Variants in GRIN2B observed in about 807,000 individuals in gnomAD.
The protein encoded by GRIN2B is glutamate receptor ionotropic, NMDA 2B.
A neutral mutation model predicts 114.5 loss-of-function variants in GRIN2B; 5 were observed. That is an observed-to-expected ratio of 0.04 (90% CI 0.02 to 0.09). GRIN2B has a LOEUF of 0.09. Among genes scored for constraint, GRIN2B ranks in the 10% least tolerant of loss-of-function variants. The pLI is 1.00. For missense variants in GRIN2B, 1,108 were observed against 1,943.5 expected, an observed-to-expected ratio of 0.57 and a Z score of 8.08; for synonymous variants, 787 against 745.1, an observed-to-expected ratio of 1.06 and a Z score of -0.92.
intron 3 of GRIN2B, among the ~76,000 whole-genome samples, chr12:13,791,195 G>C (rs1030309254): frequency 1.3e-5 from 2 of 152,146 alleles, no homozygotes; most frequent in African/African-American, 4.8e-5. Context: ...GAGGCGCGGT[G>C]GCTCACACTT....
At chr12:13,795,222 ATAATAAGCTAACTGAGT>A (rs1864396965) in intron 3 of GRIN2B, among the ~76,000 whole-genome samples, 1 of 152,234 alleles carries the variant, frequency 6.6e-6, no homozygotes, top group African/African-American at 2.4e-5. Flanking sequence ...CATTTAGTGG[ATAATAAGCTAACTGAGT>A]TAATACTATA....
At chr12:13,817,728 T>A (rs113914970) in intron 3 of GRIN2B, among the ~76,000 whole-genome samples, 5,693 of 152,218 alleles carry the variant, frequency 0.037, 289 homozygotes, top group African/African-American at 0.11. Flanking sequence ...AGCCCACATA[T>A]ATAGGCAAAG....
intron 3 of GRIN2B, among the ~76,000 whole-genome samples, chr12:13,850,259 A>C (rs1474930934): frequency 6.6e-6 from 1 of 152,220 alleles, no homozygotes; most frequent in African/African-American, 2.4e-5. Context: ...ATCTACTGAG[A>C]TGGAATCCTA....
At chr12:13,653,740 G>A (rs1017349839) in intron 5 of GRIN2B, among the ~76,000 whole-genome samples, 1 of 152,080 alleles carries the variant, frequency 6.6e-6, no homozygotes, top group African/African-American at 2.4e-5. Context: ...AACTCAGTAG[G>A]CGACTTTCAT....
chr12:13,748,123 T>C (rs1863420077), intron 4 of GRIN2B, among the ~76,000 whole-genome samples: 1 of 152,188 alleles, frequency 6.6e-6, no homozygotes, highest in Admixed American at 6.5e-5. Context: ...GATGGCAACT[T>C]TCACTAAGAA....
rs894211857 is a variant in GRIN2B, at chr12:13,616,331, A to G, written c.1328+124T>C. Reference sequence around the variant, plus strand: ...GCTGCCAGTAATCCCACAGCTCAAAAGCAACTAGAAATCAGACACAGTGCC... The same window carrying G: ...GCTGCCAGTAATCCCACAGCTCAAAGGCAACTAGAAATCAGACACAGTGCC... On this transcript the variant is annotated intron_variant, in intron 6 of 13. Coordinates refer to ENST00000609686, the MANE Select transcript of GRIN2B (RefSeq NM_000834.5). 1.8e-5 allele frequency: 13 copies of G among 741,196 alleles called. No individual in the cohort carries two copies. In the African/African-American group the frequency reaches 2.2e-4, roughly 13 times the overall value. The allele number at this position is 741,196 out of a possible 1,614,324, so 45.9% of individuals were successfully genotyped here. A position where few individuals can be genotyped will look rare whatever the true frequency, so the allele number is the denominator to read the frequency against.
chr12:13,537,365 G>A lies in GRIN2B; in HGVS notation c.*25418C>T, dbSNP rs1472401085. On this transcript the variant is annotated 3_prime_UTR_variant, in exon 14 of 14. Transcript: ENST00000609686. ...ATTCCAAGTTTAAATTTTATGTGTA[G>A]AATTTCCTTTACATAGAGGAGCTTT... 2.0e-5 allele frequency: 3 copies of A among 152,114 alleles called. No individual in the cohort carries two copies. Among genetic ancestry groups the A allele is most frequent in the Admixed American group, 6.5e-5 (1 of 15,280 alleles). The allele number at this position is 152,114 out of a possible 1,614,324, so 9.4% of individuals were successfully genotyped here. A position where few individuals can be genotyped will look rare whatever the true frequency, so the allele number is the denominator to read the frequency against.
At chr12:13,625,050 G>A (rs1444602956) in intron 5 of GRIN2B, among the ~76,000 whole-genome samples, 2 of 152,166 alleles carry the variant, frequency 1.3e-5, no homozygotes, top group African/African-American at 2.4e-5. Flanking sequence ...TCATATTAGA[G>A]TAATTAGAGC....
chr12:13,955,015 T>C (rs1195334546), intron 2 of GRIN2B, among the ~76,000 whole-genome samples: 1 of 152,016 alleles, frequency 6.6e-6, no homozygotes, highest in Admixed American at 6.6e-5. Context: ...TGCCCTTTTT[T>C]AGGCACATAA....
rs1477424738 is a variant in GRIN2B at position 13,835,649 on chromosome 12, C to G, written c.411+30149G>C. Reference sequence around the variant, plus strand: ...TGGAGAGAACATCAGGAAGGCACCCCCTTTAGCCTTCAGACCTCTCCAGTT... The same window carrying G: ...TGGAGAGAACATCAGGAAGGCACCCGCTTTAGCCTTCAGACCTCTCCAGTT... On this transcript the variant is annotated intron_variant, in intron 3 of 13. Coordinates refer to ENST00000609686, the MANE Select transcript of GRIN2B (RefSeq NM_000834.5). Among the ~76,000 whole-genome samples, 6 of 151,732 alleles carry G rather than the reference C, an allele frequency of 4.0e-5. No individual in the cohort carries two copies. In the East Asian group the frequency reaches 1.2e-3, roughly 29 times the overall value.
chr12:13,875,757 T>C (rs550350388), intron 2 of GRIN2B, among the ~76,000 whole-genome samples: 47 of 152,322 alleles, frequency 3.1e-4, no homozygotes, highest in South Asian at 1.9e-3. Context: ...CTGTGCGATC[T>C]TTACCTCTCT....
intron 4 of GRIN2B, among the ~76,000 whole-genome samples, chr12:13,743,961 A>G (rs17833861): frequency 0.11 from 17,484 of 152,296 alleles, 1,284 homozygotes; most frequent in Non-Finnish European, 0.16. Flanking sequence ...CCATATTGTC[A>G]CAGGGTGGTT....
intron 4 of GRIN2B, among the ~76,000 whole-genome samples, chr12:13,736,732 A>G (rs61912103): frequency 0.12 from 18,689 of 152,224 alleles, 1,347 homozygotes; most frequent in Non-Finnish European, 0.16. Flanking sequence ...ATATTAGAAC[A>G]TGCAATATAT....
chr12:13,616,412 T>C, intron 6 of GRIN2B, 43 bp downstream of exon 6: 6 of 1,450,526 alleles, frequency 4.1e-6, no homozygotes, highest in Non-Finnish European at 5.8e-6. Flanking sequence ...GCATCAAAGC[T>C]GACTCTCCCA....
In GRIN2B at chr12:13,561,106, A is replaced by G. The variant is rs1406101200; in HGVS notation, c.*1677T>C. The stretch of plus-strand genomic sequence containing the variant: ...CAAGTTTCAGGACCGGCAGTGATAC[A>G]TATTCATTTCCCTTCTCAATTTTCC... On this transcript the variant is annotated 3_prime_UTR_variant, in exon 14 of 14. Transcript: ENST00000609686. 2 of 152,174 alleles carry G rather than the reference A, an allele frequency of 1.3e-5. No individual in the cohort carries two copies. The highest frequency in any genetic ancestry group is 2.9e-5 in the Non-Finnish European group (2 of 68,036). 9.4% of individuals were successfully genotyped at this position (152,174 alleles called of 1,614,324 possible).
At chr12:13,965,071 C>T (rs1292108431) in intron 2 of GRIN2B, among the ~76,000 whole-genome samples, 2 of 152,156 alleles carry the variant, frequency 1.3e-5, no homozygotes, top group African/African-American at 4.8e-5. Flanking sequence ...CCCATTTTCC[C>T]TGTTTAGAAA....
At chr12:13,868,063 C>T (rs1865854167) in intron 2 of GRIN2B, among the ~76,000 whole-genome samples, 1 of 152,148 alleles carries the variant, frequency 6.6e-6, no homozygotes, top group African/African-American at 2.4e-5. Flanking sequence ...CATTTTGTGG[C>T]TGAAGAAGCA....
chr12:13,895,631 C>T (rs1414540168), intron 2 of GRIN2B, among the ~76,000 whole-genome samples: 1 of 152,164 alleles, frequency 6.6e-6, no homozygotes, highest in African/African-American at 2.4e-5. Flanking sequence ...GTAAACGGAA[C>T]TCTCCAGATA....
At chr12:13,975,863 G>T (rs183643306) in intron 2 of GRIN2B, among the ~76,000 whole-genome samples, 1 of 152,166 alleles carries the variant, frequency 6.6e-6, no homozygotes, top group Non-Finnish European at 1.5e-5. Flanking sequence ...CCACAGCCTG[G>T]GGCAGCCATG....
Sources: gnomAD v4.1 joint callset for allele counts (sites outside exome capture counted in the v4.1 genomes callset) on GRCh38, gnomAD v4.1.1 for gene constraint, MANE v1.5 for transcripts, NCBI Gene and HGNC (gene_info 2026-07-23, HGNC 2026-07-21) for gene names.